Variants in TRPM1 observed in about 807,000 individuals in gnomAD.
The protein encoded by TRPM1 is transient receptor potential cation channel subfamily M member 1.
Under a neutral mutation model 149.4 loss-of-function variants are expected in TRPM1, and 113 were observed. The observed-to-expected ratio is 0.76, with a 90% CI of 0.65 to 0.88. The LOEUF (loss-of-function observed/expected upper bound fraction) is 0.88. Ranked by LOEUF, TRPM1 falls within the 40% of genes least tolerant of loss-of-function variation. TRPM1 has a pLI of 0.00. For synonymous variants in TRPM1, 741 were observed against 759.5 expected, an observed-to-expected ratio of 0.98 and a Z score of 0.40; for missense variants, 1,976 against 2,038.7, an observed-to-expected ratio of 0.97 and a Z score of 0.59.
intron 22 of TRPM1, among the ~76,000 whole-genome samples, chr15:31,031,593 C>T (rs1243991467): frequency 6.6e-6 from 1 of 152,180 alleles, no homozygotes; most frequent in Non-Finnish European, 1.5e-5. Context: ...AAGTGCTGAG[C>T]AATGCCCTGG....
chr15:31,143,471 G>A (rs191145541), intron 1 of TRPM1, among the ~76,000 whole-genome samples: 3 of 152,246 alleles, frequency 2.0e-5, no homozygotes, highest in Admixed American at 2.0e-4. Context: ...AGTGGTGCTG[G>A]AGTGCAGTGG....
chr15:31,029,247 T>A, intron 24 of TRPM1, 124 bp downstream of exon 24: 1 of 1,014,806 alleles, frequency 9.9e-7, no homozygotes. Context: ...GCTTAAAAAG[T>A]ACTGGCACCA....
chr15:31,066,358 A>C, intron 6 of TRPM1, 111 bp from the exon 7 acceptor site: 272 of 1,172,668 alleles, frequency 2.3e-4, no homozygotes, highest in Non-Finnish European at 3.1e-4. Flanking sequence ...ACTTATTCTC[A>C]CATCTCTACC....
At chr15:31,149,890 C>A (rs1470644557) in intron 1 of TRPM1, among the ~76,000 whole-genome samples, 1 of 152,210 alleles carries the variant, frequency 6.6e-6, no homozygotes, top group African/African-American at 2.4e-5. Context: ...TGAAGATATT[C>A]TGTTGGCGAG....
At chr15:31,028,781 A>G (rs1245889366) in intron 24 of TRPM1, among the ~76,000 whole-genome samples, 1 of 151,996 alleles carries the variant, frequency 6.6e-6, no homozygotes, top group East Asian at 1.9e-4. Context: ...TCACACAAAG[A>G]AAAAAGTCAG....
chr15:31,031,355 C>G (rs1306119351), intron 22 of TRPM1, 198 bp from the exon 23 acceptor site: 1 of 622,238 alleles, frequency 1.6e-6, no homozygotes, highest in Non-Finnish European at 2.8e-6. Flanking sequence ...AGAATGTCTT[C>G]TAGAACATTG....
intron 4 of TRPM1, among the ~76,000 whole-genome samples, chr15:31,068,484 G>A (rs1439937872): frequency 6.6e-6 from 1 of 152,020 alleles, no homozygotes; most frequent in East Asian, 1.9e-4. Flanking sequence ...GCTCATGCCT[G>A]TAATCCCAGC....
At chr15:31,105,059 G>A (rs970541309), upstream of TRPM1, among the ~76,000 whole-genome samples, 1 of 152,146 alleles carries the variant, frequency 6.6e-6, no homozygotes, top group Admixed American at 6.5e-5. Flanking sequence ...TTGCTTCCTT[G>A]GCCTCATTCC....
intron 1 of TRPM1, among the ~76,000 whole-genome samples, chr15:31,125,755 AATT>A (rs201840760): frequency 0.01 from 1,050 of 100,630 alleles, 55 homozygotes; most frequent in Non-Finnish European, 0.013. Flanking sequence ...AAAAAAAAAA[AATT>A]ATTAAAAAAT....
intron 5 of TRPM1, 54 bp from the exon 6 acceptor site, chr15:31,067,241 C>A (rs2034403421): frequency 6.2e-7 from 1 of 1,613,984 alleles, no homozygotes. Flanking sequence ...AGCACACCAT[C>A]ATTCATGAAA....
chr15:31,113,938 T>C (rs534612100), intron 1 of TRPM1, among the ~76,000 whole-genome samples: 1 of 151,102 alleles, frequency 6.6e-6, no homozygotes, highest in South Asian at 2.1e-4. Flanking sequence ...GCCCTGCCCA[T>C]GTCCTGCAGA....
intron 22 of TRPM1, among the ~76,000 whole-genome samples, chr15:31,032,305 G>A (rs1483583410): frequency 2.0e-5 from 3 of 152,036 alleles, no homozygotes; most frequent in South Asian, 4.2e-4. Flanking sequence ...AAAAACAAAC[G>A]TAATTAGTCA....
At chr15:31,095,638 T>C (rs1452129017) in intron 1 of TRPM1, among the ~76,000 whole-genome samples, 2 of 151,866 alleles carry the variant, frequency 1.3e-5, no homozygotes, top group Non-Finnish European at 2.9e-5. Flanking sequence ...TGAGCTGAGA[T>C]CACACCACTG....
intron 3 of TRPM1, among the ~76,000 whole-genome samples, chr15:31,071,741 A>G (rs1451194072): frequency 6.6e-6 from 1 of 151,878 alleles, no homozygotes; most frequent in Non-Finnish European, 1.5e-5. Context: ...TGGCATGTGG[A>G]TCACTTGAGG....
At chr15:31,030,611 A>G (rs3784590) in intron 23 of TRPM1, among the ~76,000 whole-genome samples, 7,298 of 152,292 alleles carry the variant, frequency 0.048, 226 homozygotes, top group South Asian at 0.13. Flanking sequence ...GGTGGGAAGT[A>G]TCAGTTACTC....
chr15:31,092,753 G>A (rs1226666560), intron 1 of TRPM1, among the ~76,000 whole-genome samples: 1 of 152,182 alleles, frequency 6.6e-6, no homozygotes, highest in African/African-American at 2.4e-5. Context: ...GCGGTAGCAT[G>A]TACAAGTACA....
At chr15:31,077,810 ATG>A (rs373067641) in intron 2 of TRPM1, among the ~76,000 whole-genome samples, 56 of 151,084 alleles carry the variant, frequency 3.7e-4, no homozygotes, top group African/African-American at 9.5e-4. Flanking sequence ...GTCGTGATGC[ATG>A]TGTGTGTGTG....
At chr15:31,119,442 A>T (rs8032212) in intron 1 of TRPM1, among the ~76,000 whole-genome samples, 63,886 of 151,826 alleles carry the variant, frequency 0.42, 14,160 homozygotes, top group East Asian at 0.73. Context: ...AGAGATAAAG[A>T]TATTTTCAGA....
intron 23 of TRPM1, 129 bp from the exon 24 acceptor site, chr15:31,029,520 A>G: frequency 1.1e-6 from 1 of 881,770 alleles, no homozygotes; most frequent in Non-Finnish European, 1.9e-6. Flanking sequence ...TTTGCTGTGA[A>G]GAAATGCAAA....
Sources: gnomAD v4.1 joint callset for allele counts (sites outside exome capture counted in the v4.1 genomes callset) on GRCh38, gnomAD v4.1.1 for gene constraint, MANE v1.5 for transcripts, NCBI Gene and HGNC (gene_info 2026-07-23, HGNC 2026-07-21) for gene names.